The following AK4 variants were observed in gnomAD, a reference collection of about 807,000 sequenced individuals.
The protein encoded by AK4 is adenylate kinase 4, also known as adenylate kinase 4, mitochondrial.
AK4 carries 13 observed loss-of-function variants against 24.6 expected under a neutral mutation model. The ratio of observed to expected loss-of-function variants is 0.53; its 90% CI spans 0.34 to 0.84. The LOEUF (loss-of-function observed/expected upper bound fraction) is 0.84. AK4 is among the 40% of genes least tolerant of loss of function. The pLI, the probability that AK4 is intolerant of heterozygous loss-of-function variation, is 0.01. For missense variants in AK4, 192 were observed against 288.2 expected (o/e 0.67, Z 2.42); for synonymous variants, 88 against 107.0 (o/e 0.82, Z 1.10).
intron 1 of AK4, among the ~76,000 whole-genome samples, chr1:65,152,380 ATATATTTTTTTTTTTTT>A (rs1557434546): frequency 4.8e-4 from 21 of 43,994 alleles, no homozygotes; most frequent in African/African-American, 1.4e-3. Flanking sequence ...ATATATATAT[ATATATTTTTTTTTTTTT>A]TTTTTTTTTT....
chr1:65,149,222 TA>T (rs1215439338), intron 1 of AK4: 1 of 152,418 alleles, frequency 6.6e-6, no homozygotes, highest in Non-Finnish European at 1.5e-5. Context: ...CTCGTTCTGA[TA>T]AATTACATTT....
At chr1:65,193,767 G>T (rs4916029) in intron 2 of AK4, among the ~76,000 whole-genome samples, 1 of 152,054 alleles carries the variant, frequency 6.6e-6, no homozygotes, top group African/African-American at 2.4e-5. Context: ...TATGCATTTG[G>T]TTGCGAATGT....
chr1:65,174,242 G>A (rs1042009982), intron 1 of AK4, among the ~76,000 whole-genome samples: 1 of 151,772 alleles, frequency 6.6e-6, no homozygotes, highest in Non-Finnish European at 1.5e-5. Context: ...GAAGGGCCCA[G>A]AGCAAAGCAT....
At chr1:65,184,171 GGTT>G (rs1317418470) in intron 1 of AK4, among the ~76,000 whole-genome samples, 1 of 152,116 alleles carries the variant, frequency 6.6e-6, no homozygotes, top group Non-Finnish European at 1.5e-5. Context: ...GAATGGAATA[GGTT>G]GTTAAGATGA....
At chr1:65,220,901 C>G (rs1016924405) in intron 3 of AK4, among the ~76,000 whole-genome samples, 3 of 151,976 alleles carry the variant, frequency 2.0e-5, no homozygotes, top group African/African-American at 7.3e-5. Flanking sequence ...TTTATAAGAT[C>G]AGGGAGAAAG....
chr1:65,225,978 T>C (rs746247285), intron 4 of AK4, 85 bp from the exon 5 acceptor site: 222 of 1,420,126 alleles, frequency 1.6e-4, no homozygotes, highest in Non-Finnish European at 2.1e-4. Flanking sequence ...CATGAGATCA[T>C]GCTTGTTTTA....
At chr1:65,193,762 A>G (rs893967463) in intron 2 of AK4, among the ~76,000 whole-genome samples, 10 of 152,186 alleles carry the variant, frequency 6.6e-5, no homozygotes, top group Non-Finnish European at 1.0e-4. Flanking sequence ...TACTGTATGC[A>G]TTTGGTTGCG....
At chr1:65,220,853 G>A (rs552783276) in intron 3 of AK4, among the ~76,000 whole-genome samples, 1 of 152,190 alleles carries the variant, frequency 6.6e-6, no homozygotes, top group Admixed American at 6.5e-5. Flanking sequence ...ACCTCTTTAT[G>A]TATATCTGTT....
intron 1 of AK4, among the ~76,000 whole-genome samples, chr1:65,168,744 C>T (rs1319483253): frequency 2.0e-5 from 3 of 152,242 alleles, no homozygotes; most frequent in African/African-American, 7.2e-5. Context: ...AACGTACCAG[C>T]TACTCCAGGT....
chr1:65,170,142 G>A (rs112436703), intron 1 of AK4, among the ~76,000 whole-genome samples: 2 of 152,022 alleles, frequency 1.3e-5, no homozygotes, highest in Non-Finnish European at 2.9e-5. Context: ...TTTGGGAGGC[G>A]GAGGCGGGCG....
At chr1:65,223,859 T>C (rs1652371241) in intron 3 of AK4, among the ~76,000 whole-genome samples, 1 of 152,090 alleles carries the variant, frequency 6.6e-6, no homozygotes, top group Non-Finnish European at 1.5e-5. Flanking sequence ...TAGCTGGGCA[T>C]GGTGGCAGGC....
chr1:65,167,006 C>T (rs922378358), intron 1 of AK4, among the ~76,000 whole-genome samples: 1 of 152,286 alleles, frequency 6.6e-6, no homozygotes, highest in Admixed American at 6.5e-5. Context: ...GTGGCTTGTG[C>T]CTGTAGTCTC....
rs369546558 is a variant in AK4 at position 65,163,021 on chromosome 1, A to G, written c.145+14469A>G. 2.8e-4 allele frequency among the ~76,000 whole-genome samples: 42 copies of G among 152,220 alleles called. 1 individual carries two copies. Among genetic ancestry groups the G allele is most frequent in the African/African-American group, 1.0e-3 (42 of 41,506 alleles). The stretch of plus-strand genomic sequence containing the variant: ...TGAATGGGTATACCACATTTTGTTT[A>G]CCCATTCATTCCTTAATGGACACTT... On this transcript the variant is annotated intron_variant, in intron 1 of 4. Coordinates refer to ENST00000327299, the MANE Select transcript of AK4 (RefSeq NM_013410.4).
At chr1:65,208,364 A>T (rs1304300619) in intron 2 of AK4, among the ~76,000 whole-genome samples, 1 of 152,174 alleles carries the variant, frequency 6.6e-6, no homozygotes, top group Non-Finnish European at 1.5e-5. Flanking sequence ...TTTATGAAGC[A>T]GGTTTTGGTG....
At position 65,231,357 on chromosome 1, in the gene AK4, TGAGA is replaced by T. The variant is rs371624458; in HGVS notation, c.*5189_*5192del. On this transcript the variant is annotated 3_prime_UTR_variant, in exon 5 of 5. Transcript: ENST00000327299. ...TTTTTGTGTGTGTGTGGTGTGTGTG[TGAGA>T]GAGAGAGATACTGCAGTAAAACATT... 3 of 152,606 alleles carry T rather than the reference TGAGA, an allele frequency of 2.0e-5. No homozygotes were observed. Among genetic ancestry groups the T allele is most frequent in the Admixed American group, 6.5e-5 (1 of 15,274 alleles). The allele number at this position is 152,606 out of a possible 1,614,324, so 9.5% of individuals were successfully genotyped here. A position where few individuals can be genotyped will look rare whatever the true frequency, so the allele number is the denominator to read the frequency against.
chr1:65,205,653 A>G (rs1233890019), intron 2 of AK4, among the ~76,000 whole-genome samples: 1 of 152,154 alleles, frequency 6.6e-6, no homozygotes, highest in African/African-American at 2.4e-5. Flanking sequence ...TTTATGTCCT[A>G]TATAGAGTGT....
chr1:65,186,563 A>G (rs569050445), intron 1 of AK4, among the ~76,000 whole-genome samples: 2 of 152,354 alleles, frequency 1.3e-5, no homozygotes, highest in South Asian at 4.1e-4. Flanking sequence ...CAGAAAGTGA[A>G]TGAACAAATA....
chr1:65,152,044 A>C lies in AK4; in HGVS notation c.145+3492A>C, dbSNP rs547199445. Among the ~76,000 whole-genome samples the C allele has an allele frequency of 2.0e-5, 3 of 152,224 alleles. No homozygotes were observed. The South Asian group carries it at 6.2e-4, about 32-fold the overall frequency. ...TGCACATGTATGTATGAGTATACAC[A>C]CACACACAGGGACTGGCACTCTATT... On this transcript the variant is annotated intron_variant, in intron 1 of 4. Transcript: ENST00000327299.
chr1:65,226,765 A>T lies in AK4; in HGVS notation c.*588A>T, dbSNP rs1293598212. ...CCTTTTCTACATCCACGCTCCATAGAGTCTCTCCTTTTCAGACATCCTGGG... is the reference window on the plus strand; with the variant it reads ...CCTTTTCTACATCCACGCTCCATAGTGTCTCTCCTTTTCAGACATCCTGGG... On this transcript the variant is annotated 3_prime_UTR_variant, in exon 5 of 5. Transcript: ENST00000327299. 1 of 149,620 alleles carries T rather than the reference A, an allele frequency of 6.7e-6. No individual in the cohort carries two copies. Among genetic ancestry groups the T allele is most frequent in the African/African-American group, 2.5e-5 (1 of 40,544 alleles). The allele number at this position is 149,620 out of a possible 1,614,324, so 9.3% of individuals were successfully genotyped here.
Sources: allele counts gnomAD v4.1 joint callset (sites outside exome capture counted in the v4.1 genomes callset), GRCh38; gene constraint gnomAD v4.1.1; transcripts MANE v1.5; gene names NCBI Gene and HGNC (gene_info 2026-07-23, HGNC 2026-07-21).